CUX1: variants seen among roughly 807,000 people sequenced by gnomAD.
CUX1 encodes the protein protein CASP.
Under a neutral mutation model 158.8 loss-of-function variants are expected in CUX1, and 31 were observed. That is an observed-to-expected ratio of 0.20 (90% CI 0.15 to 0.26). The LOEUF is 0.26. Among genes scored for constraint, CUX1 ranks in the 10% least tolerant of loss-of-function variants. The pLI is 1.00. For synonymous variants in CUX1, 879 were observed against 862.1 expected (o/e 1.02, Z -0.34); for missense variants, 1,589 against 2,014.6 (o/e 0.79, Z 4.04).
At chr7:102,019,902 C>T (rs1414867245) in intron 2 of CUX1, among the ~76,000 whole-genome samples, 2 of 152,160 alleles carry the variant, frequency 1.3e-5, no homozygotes, top group Non-Finnish European at 1.5e-5. Flanking sequence ...AGCAGCGTGG[C>T]GGGTTATATA....
chr7:102,092,396 C>T (rs1356342305), intron 4 of CUX1, among the ~76,000 whole-genome samples: 10 of 152,120 alleles, frequency 6.6e-5, no homozygotes, highest in African/African-American at 2.4e-4. Flanking sequence ...GATCTTCATC[C>T]CCACTCACTT....
intron 14 of CUX1, among the ~76,000 whole-genome samples, chr7:102,268,500 C>T (rs1409277113): frequency 4.6e-5 from 7 of 152,134 alleles, no homozygotes; most frequent in African/African-American, 7.2e-5. Flanking sequence ...AGGGTCTTTG[C>T]GGGACCCCCT....
intron 1 of CUX1, among the ~76,000 whole-genome samples, chr7:101,873,178 C>CT (rs35246188): frequency 0.33 from 38,967 of 119,598 alleles, 6,498 homozygotes; most frequent in Non-Finnish European, 0.43. Flanking sequence ...GCCTCAGCTT[C>CT]TTTTTTTTTT....
intron 1 of CUX1, among the ~76,000 whole-genome samples, chr7:101,909,019 G>A (rs1803089374): frequency 6.6e-6 from 1 of 152,176 alleles, no homozygotes; most frequent in Admixed American, 6.5e-5. Flanking sequence ...GCTGAGGTGG[G>A]AGGATCACTT....
At chr7:102,123,100 G>A (rs1050264983) in intron 8 of CUX1, among the ~76,000 whole-genome samples, 12 of 151,986 alleles carry the variant, frequency 7.9e-5, no homozygotes, top group East Asian at 5.8e-4. Context: ...GTGTGGTGGC[G>A]CATGCCTGTA....
chr7:101,857,184 C>T (rs528509224), intron 1 of CUX1, among the ~76,000 whole-genome samples: 2 of 152,386 alleles, frequency 1.3e-5, no homozygotes, highest in South Asian at 4.1e-4. Context: ...TGTCCTCCCT[C>T]TCCCAGGCCT....
At chr7:102,258,820 A>T (rs1460422388), downstream of CUX1, among the ~76,000 whole-genome samples, 4 of 152,178 alleles carry the variant, frequency 2.6e-5, no homozygotes, top group East Asian at 7.7e-4. Context: ...GGCACCAGTT[A>T]ATGCTTGCGA....
intron 14 of CUX1, among the ~76,000 whole-genome samples, chr7:102,268,700 G>A (rs1485746089): frequency 6.6e-6 from 1 of 152,150 alleles, no homozygotes; most frequent in Non-Finnish European, 1.5e-5. Flanking sequence ...GCGTGGCGCT[G>A]GTGTCGGTTT....
chr7:102,205,710 G>C (rs536733349), intron 20 of CUX1, among the ~76,000 whole-genome samples: 5 of 152,320 alleles, frequency 3.3e-5, no homozygotes, highest in South Asian at 4.1e-4. Flanking sequence ...CTGAGCCTGG[G>C]AGCAGGTGGT....
At chr7:101,954,910 G>A (rs1249320760) in intron 2 of CUX1, among the ~76,000 whole-genome samples, 1 of 152,094 alleles carries the variant, frequency 6.6e-6, no homozygotes, top group Non-Finnish European at 1.5e-5. Context: ...GGTGGCTCAT[G>A]TGTGTAATCC....
chr7:102,070,298 G>A, intron 3 of CUX1, 41 bp from the exon 4 acceptor site: 1 of 1,529,992 alleles, frequency 6.5e-7, no homozygotes, highest in African/African-American at 1.4e-5. Flanking sequence ...GACAAATGTT[G>A]AGCTCTTTGT....
At chr7:101,971,321 G>A (rs1189511113) in intron 2 of CUX1, among the ~76,000 whole-genome samples, 1 of 152,190 alleles carries the variant, frequency 6.6e-6, no homozygotes, top group Non-Finnish European at 1.5e-5. Context: ...AGCAAGGCAT[G>A]AGACTGGGAG....
intron 6 of CUX1, among the ~76,000 whole-genome samples, chr7:102,109,906 C>T (rs1471183826): frequency 6.6e-6 from 1 of 152,114 alleles, no homozygotes; most frequent in East Asian, 1.9e-4. Context: ...CCACAATGAT[C>T]GTTGAGGGAC....
chr7:102,225,384 G>A (rs145914144), intron 20 of CUX1, among the ~76,000 whole-genome samples: 112 of 152,328 alleles, frequency 7.4e-4, no homozygotes, highest in East Asian at 4.0e-3. Flanking sequence ...TGTATTTATG[G>A]CAGGTTAGTG....
intron 2 of CUX1, among the ~76,000 whole-genome samples, chr7:101,947,342 C>T (rs900867282): frequency 3.3e-5 from 5 of 152,106 alleles, no homozygotes; most frequent in African/African-American, 4.8e-5. Flanking sequence ...TGCAGTGAGC[C>T]GTGATCATGC....
chr7:101,901,454 CG>C (rs1802133108), intron 1 of CUX1, among the ~76,000 whole-genome samples: 1 of 151,900 alleles, frequency 6.6e-6, no homozygotes, highest in African/African-American at 2.4e-5. Context: ...CCACCACGCC[CG>C]GCTATTTTTT....
At chr7:102,261,645 A>T (rs1554543890), downstream of CUX1, among the ~76,000 whole-genome samples, 2 of 151,798 alleles carry the variant, frequency 1.3e-5, no homozygotes. Context: ...CCCATTGTTC[A>T]GGGAGGCGTC....
intron 1 of CUX1, among the ~76,000 whole-genome samples, chr7:101,860,170 G>T (rs1314813651): frequency 6.6e-6 from 1 of 151,952 alleles, no homozygotes; most frequent in African/African-American, 2.4e-5. Context: ...TAGATGCATT[G>T]TCGCTGTTTG....
At chr7:101,993,784 C>T (rs950928880) in intron 2 of CUX1, among the ~76,000 whole-genome samples, 1 of 152,178 alleles carries the variant, frequency 6.6e-6, no homozygotes, top group Admixed American at 6.5e-5. Flanking sequence ...CCCTGCCTGC[C>T]CCTCCCGGTG....
Sources: allele counts gnomAD v4.1 joint callset (sites outside exome capture counted in the v4.1 genomes callset), GRCh38; gene constraint gnomAD v4.1.1; transcripts MANE v1.5; gene names NCBI Gene and HGNC (gene_info 2026-07-23, HGNC 2026-07-21).